Variants in RDX observed in about 807,000 individuals in gnomAD.
RDX encodes radixin, also known as deafness, autosomal recessive 24.
RDX carries 32 observed loss-of-function variants against 83.7 expected under a neutral mutation model. That is an observed-to-expected ratio of 0.38 (90% CI 0.29 to 0.51). RDX has a LOEUF of 0.51. Among genes scored for constraint, RDX ranks in the 20% least tolerant of loss-of-function variants. RDX has a pLI of 0.87. For missense variants in RDX, 600 were observed against 689.9 expected (o/e 0.87, Z 1.46); for synonymous variants, 229 against 222.7 (o/e 1.03, Z -0.25).
At chr11:110,216,549 T>TTC (rs1555033732) in intron 14 of RDX, among the ~76,000 whole-genome samples, 1 of 149,700 alleles carries the variant, frequency 6.7e-6, no homozygotes, top group African/African-American at 2.5e-5. Flanking sequence ...TTCTTTTTTT[T>TTC]TTTTTTTAAA....
chr11:110,272,732 T>C (rs1289684109), intron 2 of RDX, 113 bp from the exon 3 acceptor site: 2 of 755,838 alleles, frequency 2.6e-6, no homozygotes, highest in African/African-American at 3.5e-5. Context: ...ACAAGAAATC[T>C]TAAATCTATT....
rs956419899 is a variant in RDX at position 110,229,743 on chromosome 11, C to A, written c.*2126G>T. The stretch of plus-strand genomic sequence containing the variant: ...TTTTAATCCTAATCTACAAATAGAT[C>A]ATAAACAGCAAAATATAACTGATAA... On this transcript the variant is annotated 3_prime_UTR_variant, in exon 14 of 14. Coordinates refer to ENST00000645495, the MANE Select transcript of RDX (RefSeq NM_002906.4). The A allele has an allele frequency of 6.6e-6, 1 of 152,422 alleles. No homozygotes were observed. Among genetic ancestry groups the A allele is most frequent in the Non-Finnish European group, 1.5e-5 (1 of 67,912 alleles). 9.4% of individuals were successfully genotyped at this position (152,422 alleles called of 1,614,324 possible).
intron 14 of RDX, among the ~76,000 whole-genome samples, chr11:110,207,337 T>G (rs546526588): frequency 2.6e-5 from 4 of 152,144 alleles, no homozygotes; most frequent in Non-Finnish European, 4.4e-5. Flanking sequence ...GAGGGCACCC[T>G]GCAATCTGTG....
At chr11:110,220,601 C>T (rs1220936394) in intron 14 of RDX, among the ~76,000 whole-genome samples, 1 of 152,108 alleles carries the variant, frequency 6.6e-6, no homozygotes, top group Non-Finnish European at 1.5e-5. Context: ...TGGGTTCAAG[C>T]GATTCTCCTG....
At chr11:110,184,497 G>A (rs1862947961) in intron 15 of RDX, among the ~76,000 whole-genome samples, 2 of 152,252 alleles carry the variant, frequency 1.3e-5, no homozygotes, top group Non-Finnish European at 2.9e-5. Context: ...TGTAAGCCTT[G>A]CAGGGTGGGT....
chr11:110,254,445 G>A (rs1423198197), intron 8 of RDX, among the ~76,000 whole-genome samples: 1 of 150,566 alleles, frequency 6.6e-6, no homozygotes, highest in Non-Finnish European at 1.5e-5. Context: ...TTGGTTCTTC[G>A]TTCATGGCTG....
chr11:110,273,840 G>C (rs1007981879), intron 2 of RDX, among the ~76,000 whole-genome samples: 1 of 152,072 alleles, frequency 6.6e-6, no homozygotes, highest in African/African-American at 2.4e-5. Context: ...GTATAAACCT[G>C]TAGCGATTCC....
At chr11:110,227,275 C>T (rs558023566), downstream of RDX, among the ~76,000 whole-genome samples, 137 of 152,096 alleles carry the variant, frequency 9.0e-4, 1 homozygote, top group South Asian at 5.0e-3. Context: ...AGAAACTTTT[C>T]CAAAAATAGT....
At chr11:110,210,635 G>C (rs979892665) in intron 14 of RDX, among the ~76,000 whole-genome samples, 6 of 150,996 alleles carry the variant, frequency 4.0e-5, no homozygotes, top group African/African-American at 1.2e-4. Flanking sequence ...ACTAACAGCG[G>C]ATCTCTCGGC....
chr11:110,287,412 T>C (rs1383846289), intron 1 of RDX, among the ~76,000 whole-genome samples: 1 of 152,234 alleles, frequency 6.6e-6, no homozygotes, highest in African/African-American at 2.4e-5. Context: ...ATGCTAATGT[T>C]GTCTATACTC....
At chr11:110,236,900 G>A (rs546314578) in intron 11 of RDX, among the ~76,000 whole-genome samples, 11 of 152,100 alleles carry the variant, frequency 7.2e-5, no homozygotes, top group East Asian at 1.9e-4. Context: ...GATTACAGGC[G>A]TGAGCCACTG....
intron 5 of RDX, 147 bp from the exon 6 acceptor site, chr11:110,258,336 C>A (rs1859636366): frequency 1.6e-6 from 1 of 613,338 alleles, no homozygotes; most frequent in Non-Finnish European, 2.8e-6. Flanking sequence ...AACTAAATTA[C>A]ATACACACAG....
chr11:110,209,221 G>C (rs953094859), intron 14 of RDX, among the ~76,000 whole-genome samples: 3 of 152,186 alleles, frequency 2.0e-5, no homozygotes, highest in African/African-American at 7.2e-5. Flanking sequence ...CAAAGAAAGG[G>C]GTGACGGACG....
chr11:110,177,146 C>A (rs1444490910), intron 15 of RDX, among the ~76,000 whole-genome samples: 2 of 152,242 alleles, frequency 1.3e-5, no homozygotes, highest in Non-Finnish European at 2.9e-5. Context: ...AAAGCCAAGA[C>A]AAGGAGAGAT....
intron 1 of RDX, among the ~76,000 whole-genome samples, chr11:110,281,586 C>T (rs981732223): frequency 7.2e-5 from 11 of 152,216 alleles, no homozygotes; most frequent in Admixed American, 1.3e-4. Flanking sequence ...CTTGGCCTCC[C>T]GAAGTGCTGG....
chr11:110,182,930 G>A (rs894854358), intron 15 of RDX, among the ~76,000 whole-genome samples: 5 of 152,160 alleles, frequency 3.3e-5, no homozygotes, highest in East Asian at 1.9e-4. Flanking sequence ...TTTTACAGGC[G>A]TCAGAATTGA....
At chr11:110,209,895 G>A (rs200633927) in intron 14 of RDX, among the ~76,000 whole-genome samples, 54,843 of 145,594 alleles carry the variant, frequency 0.38, 10,545 homozygotes, top group East Asian at 0.59. Context: ...GGAAAAAACA[G>A]AACAGAAAAA....
chr11:110,247,168 T>C (rs1481923703), intron 10 of RDX, among the ~76,000 whole-genome samples: 1 of 152,184 alleles, frequency 6.6e-6, no homozygotes, highest in East Asian at 1.9e-4. Context: ...AAGAAGTAAG[T>C]TCTTCCAAAC....
intron 14 of RDX, among the ~76,000 whole-genome samples, chr11:110,207,833 A>T (rs1863662096): frequency 6.6e-6 from 1 of 152,220 alleles, no homozygotes. Context: ...GGGCCTTTTC[A>T]TAAAGATCAT....
Sources: gnomAD v4.1 joint callset for allele counts (sites outside exome capture counted in the v4.1 genomes callset) on GRCh38, gnomAD v4.1.1 for gene constraint, MANE v1.5 for transcripts, NCBI Gene and HGNC (gene_info 2026-07-23, HGNC 2026-07-21) for gene names.